The following ZFHX3 variants were observed in gnomAD, a reference collection of about 807,000 sequenced individuals.
ZFHX3 encodes zinc finger homeobox protein 3.
Under a neutral mutation model 279.1 loss-of-function variants are expected in ZFHX3, and 42 were observed. The observed-to-expected ratio is 0.15, with a 90% CI of 0.12 to 0.19. The LOEUF is 0.19. Ranked by LOEUF, ZFHX3 falls within the 10% of genes least tolerant of loss-of-function variation. ZFHX3 has a pLI of 1.00. For missense variants in ZFHX3, 4,981 were observed against 4,754.0 expected (o/e 1.05, Z -1.40); for synonymous variants, 2,293 against 1,957.8 (o/e 1.17, Z -4.52).
At chr16:73,224,261 A>ACAAC (rs970611551) in intron 5 of ZFHX3, among the ~76,000 whole-genome samples, 3 of 152,212 alleles carry the variant, frequency 2.0e-5, no homozygotes, top group African/African-American at 7.2e-5. Context: ...AATGGCAGAG[A>ACAAC]CAACACACGT....
chr16:72,954,460 G>A (rs768344012), intron 2 of ZFHX3, among the ~76,000 whole-genome samples: 1 of 152,152 alleles, frequency 6.6e-6, no homozygotes, highest in African/African-American at 2.4e-5. Context: ...CCATCTCTGG[G>A]TATGCACCTA....
chr16:73,239,319 C>G (rs2013048057), intron 5 of ZFHX3, among the ~76,000 whole-genome samples: 1 of 152,140 alleles, frequency 6.6e-6, no homozygotes, highest in Non-Finnish European at 1.5e-5. Context: ...GTGGGGTGGT[C>G]TTTAGGTGTT....
intron 3 of ZFHX3, among the ~76,000 whole-genome samples, chr16:73,445,696 G>T (rs1461306079): frequency 1.3e-5 from 2 of 152,160 alleles, no homozygotes; most frequent in Non-Finnish European, 2.9e-5. Flanking sequence ...CCAACTTCTG[G>T]AGTCTCATTC....
At chr16:73,490,024 A>G (rs943832299) in intron 2 of ZFHX3, among the ~76,000 whole-genome samples, 9 of 152,258 alleles carry the variant, frequency 5.9e-5, no homozygotes, top group African/African-American at 1.7e-4. Flanking sequence ...TGCCATTTAT[A>G]TAATTGTTAC....
intron 2 of ZFHX3, among the ~76,000 whole-genome samples, chr16:73,493,429 T>G (rs1489074040): frequency 6.6e-6 from 1 of 152,170 alleles, no homozygotes; most frequent in Non-Finnish European, 1.5e-5. Flanking sequence ...GAAAGAAAGC[T>G]TCATGTCACA....
At chr16:73,778,742 G>A (rs899189386) in intron 1 of ZFHX3, among the ~76,000 whole-genome samples, 1 of 152,160 alleles carries the variant, frequency 6.6e-6, no homozygotes, top group Non-Finnish European at 1.5e-5. Context: ...TTCTTCTGAT[G>A]AAAATACAAT....
chr16:73,483,805 A>G (rs530139157), intron 2 of ZFHX3, among the ~76,000 whole-genome samples: 1 of 152,244 alleles, frequency 6.6e-6, no homozygotes, highest in East Asian at 1.9e-4. Context: ...TGCTGTTCCC[A>G]TTAGGAGTCC....
intron 1 of ZFHX3, among the ~76,000 whole-genome samples, chr16:73,749,744 T>G (rs2053742706): frequency 6.6e-6 from 1 of 152,178 alleles, no homozygotes; most frequent in Non-Finnish European, 1.5e-5. Context: ...TGACTTTTCA[T>G]GCAGTGGATA....
At chr16:72,916,736 C>A (rs577545943) in intron 3 of ZFHX3, among the ~76,000 whole-genome samples, 1 of 152,100 alleles carries the variant, frequency 6.6e-6, no homozygotes, top group Non-Finnish European at 1.5e-5. Flanking sequence ...CTAGGCACCA[C>A]GGCAAAGGAT....
intron 2 of ZFHX3, among the ~76,000 whole-genome samples, chr16:73,468,456 C>G (rs532712151): frequency 1.3e-5 from 2 of 152,186 alleles, no homozygotes; most frequent in Admixed American, 1.3e-4. Context: ...AAAAAATTAG[C>G]TAGGCGTGGT....
At chr16:73,350,382 C>T (rs2016216403) in intron 3 of ZFHX3, among the ~76,000 whole-genome samples, 1 of 152,134 alleles carries the variant, frequency 6.6e-6, no homozygotes, top group African/African-American at 2.4e-5. Context: ...CTACTTTTAT[C>T]ACAGTGAAAT....
At chr16:72,803,211 A>G (rs2036163999) in intron 7 of ZFHX3, among the ~76,000 whole-genome samples, 2 of 152,164 alleles carry the variant, frequency 1.3e-5, no homozygotes, top group Admixed American at 1.3e-4. Flanking sequence ...TCATGCCTGT[A>G]GTCCCAGTTA....
chr16:73,504,633 A>G (rs1421994443), intron 2 of ZFHX3: 3 of 152,326 alleles, frequency 2.0e-5, no homozygotes, highest in East Asian at 1.9e-4. Flanking sequence ...TGGAGAGCAC[A>G]TCGGACCAGC....
At chr16:73,000,629 G>A (rs192713460) in intron 1 of ZFHX3, among the ~76,000 whole-genome samples, 1 of 152,278 alleles carries the variant, frequency 6.6e-6, no homozygotes, top group East Asian at 1.9e-4. Context: ...GTGTTTCTCT[G>A]AATAGCTGCC....
chr16:73,685,528 T>C (rs2053073664), intron 1 of ZFHX3, among the ~76,000 whole-genome samples: 1 of 152,204 alleles, frequency 6.6e-6, no homozygotes, highest in Admixed American at 6.5e-5. Context: ...AACCTCTTTA[T>C]TGTAGCCCAA....
intron 3 of ZFHX3, among the ~76,000 whole-genome samples, chr16:73,450,181 C>G (rs1355571939): frequency 6.6e-6 from 1 of 152,158 alleles, no homozygotes; most frequent in East Asian, 1.9e-4. Context: ...TACCTTAAAT[C>G]CACTCCTATC....
intron 1 of ZFHX3, among the ~76,000 whole-genome samples, chr16:73,694,091 G>A (rs1294067300): frequency 2.0e-5 from 3 of 151,862 alleles, no homozygotes; most frequent in African/African-American, 7.2e-5. Flanking sequence ...GGGAGGCCAA[G>A]GCAGGCAAAT....
In ZFHX3 at chr16:73,205,383, T is replaced by A. The variant is rs567153653; in HGVS notation, c.-1104+51664A>T. 1.3e-4 allele frequency among the ~76,000 whole-genome samples: 20 copies of A among 152,320 alleles called. No individual in the cohort carries two copies. The South Asian group carries it at 1.7e-3, about 13-fold the overall frequency. ...TCTGATGGCGCAACACAAGACTGAT[T>A]GTATTTACTTTTGCTCTCTGTTGGG... On this transcript the variant is annotated intron_variant, in intron 5 of 17. Transcript: ENST00000641206.
rs1467141542 is a variant in ZFHX3, at chr16:73,771,487, G to A, written c.-1607-91247C>T. 2.0e-5 allele frequency among the ~76,000 whole-genome samples: 3 copies of A among 152,174 alleles called. No homozygotes were observed. The South Asian group carries it at 6.2e-4, about 31-fold the overall frequency. ...CCTATGTAAAGCAATGGTCAGTAAG[G>A]AATTTTCCTCATTGGCCTGCTTTGA... On this transcript the variant is annotated intron_variant, in intron 1 of 17. Coordinates refer to the ZFHX3 transcript ENST00000641206.
Sources: gnomAD v4.1 joint callset for allele counts (sites outside exome capture counted in the v4.1 genomes callset) on GRCh38, gnomAD v4.1.1 for gene constraint, MANE v1.5 for transcripts, NCBI Gene and HGNC (gene_info 2026-07-23, HGNC 2026-07-21) for gene names.